SPATS2: variants seen among roughly 807,000 people sequenced by gnomAD.
SPATS2 encodes the protein spermatogenesis-associated serine-rich protein 2.
SPATS2 carries 38 observed loss-of-function variants against 63.7 expected under a neutral mutation model. That is an observed-to-expected ratio of 0.60 (90% CI 0.46 to 0.78). SPATS2 has a LOEUF of 0.78. Ranked by LOEUF, SPATS2 falls within the 30% of genes least tolerant of loss-of-function variation. The pLI is 0.00. For missense variants in SPATS2, 588 were observed against 666.2 expected, an observed-to-expected ratio of 0.88 and a Z score of 1.29; for synonymous variants, 207 against 232.9, an observed-to-expected ratio of 0.89 and a Z score of 1.01.
chr12:49,486,812 C>T (rs1385086097), intron 4 of SPATS2, among the ~76,000 whole-genome samples: 3 of 151,254 alleles, frequency 2.0e-5, no homozygotes, highest in Admixed American at 1.3e-4. Context: ...GAGAGAGAAA[C>T]CAGTATCTAG....
chr12:49,495,904 T>C (rs1946456513), intron 7 of SPATS2, among the ~76,000 whole-genome samples: 1 of 152,220 alleles, frequency 6.6e-6, no homozygotes, highest in East Asian at 1.9e-4. Flanking sequence ...ACATTTGTTT[T>C]CTAGTGAAGA....
chr12:49,503,768 C>G (rs1946609556), intron 9 of SPATS2, among the ~76,000 whole-genome samples: 1 of 152,126 alleles, frequency 6.6e-6, no homozygotes, highest in African/African-American at 2.4e-5. Flanking sequence ...GGATCTGATT[C>G]CATTCGGAAC....
At chr12:49,488,869 T>G (rs921516601) in intron 4 of SPATS2, among the ~76,000 whole-genome samples, 2 of 152,152 alleles carry the variant, frequency 1.3e-5, no homozygotes, top group African/African-American at 4.8e-5. Context: ...AGGGTAGAAA[T>G]CTCTAGCGAG....
At chr12:49,381,331 C>G (rs941566142) in intron 2 of SPATS2, among the ~76,000 whole-genome samples, 1 of 152,072 alleles carries the variant, frequency 6.6e-6, no homozygotes. Flanking sequence ...TTAGCTAATA[C>G]TATAGTTGTA....
chr12:49,425,628 G>A (rs550860673), intron 2 of SPATS2, among the ~76,000 whole-genome samples: 1 of 148,904 alleles, frequency 6.7e-6, no homozygotes, highest in African/African-American at 2.5e-5. Context: ...CCATGTAAGT[G>A]TTAATATTTC....
At chr12:49,368,109 T>C (rs1943934635) in intron 1 of SPATS2, among the ~76,000 whole-genome samples, 1 of 152,052 alleles carries the variant, frequency 6.6e-6, no homozygotes, top group Non-Finnish European at 1.5e-5. Context: ...AGACATAAAA[T>C]AGATGTGGTT....
At chr12:49,463,175 G>T (rs1182926676) in intron 3 of SPATS2, 1 of 151,950 alleles carries the variant, frequency 6.6e-6, no homozygotes, top group Non-Finnish European at 1.5e-5. Context: ...GGAGGCCGAG[G>T]TGGGTGGGTC....
chr12:49,499,666 C>T (rs2087875922), intron 8 of SPATS2, among the ~76,000 whole-genome samples: 1 of 152,082 alleles, frequency 6.6e-6, no homozygotes, highest in Admixed American at 6.6e-5. Context: ...TTCAGGGGGT[C>T]CACCAGGCTG....
chr12:49,452,540 A>G (rs1945642107), intron 2 of SPATS2, among the ~76,000 whole-genome samples: 1 of 152,110 alleles, frequency 6.6e-6, no homozygotes, highest in Non-Finnish European at 1.5e-5. Context: ...GGCCTCCCAA[A>G]ATGCTGGAGT....
At chr12:49,487,114 T>C (rs1946308064) in intron 4 of SPATS2, among the ~76,000 whole-genome samples, 1 of 152,200 alleles carries the variant, frequency 6.6e-6, no homozygotes, top group African/African-American at 2.4e-5. Context: ...ATAAAACCAT[T>C]GAATAAAATT....
chr12:49,413,883 A>C (rs991363531), intron 2 of SPATS2, among the ~76,000 whole-genome samples: 43 of 152,300 alleles, frequency 2.8e-4, no homozygotes, highest in African/African-American at 7.9e-4. Flanking sequence ...AAATACAGAA[A>C]AATGGGAGGA....
chr12:49,432,710 T>A (rs1446925050), intron 2 of SPATS2, among the ~76,000 whole-genome samples: 2 of 152,226 alleles, frequency 1.3e-5, no homozygotes, highest in Non-Finnish European at 1.5e-5. Flanking sequence ...TTTCAATTAG[T>A]GCATTGTCCT....
At chr12:49,431,371 C>T (rs1321390794) in intron 2 of SPATS2, among the ~76,000 whole-genome samples, 1 of 152,146 alleles carries the variant, frequency 6.6e-6, no homozygotes, top group Non-Finnish European at 1.5e-5. Context: ...GCCCTGGCCT[C>T]CTGAGTAGCT....
chr12:49,456,354 C>A (rs930777746), intron 2 of SPATS2, among the ~76,000 whole-genome samples: 1 of 152,144 alleles, frequency 6.6e-6, no homozygotes, highest in Non-Finnish European at 1.5e-5. Flanking sequence ...GCAGAGGGAA[C>A]ACCTTCAGAG....
At chr12:49,480,109 T>G (rs1946181154) in intron 3 of SPATS2, among the ~76,000 whole-genome samples, 3 of 152,214 alleles carry the variant, frequency 2.0e-5, no homozygotes, top group Admixed American at 2.0e-4. Context: ...ACTGTTAAGT[T>G]TTTGGTTGTT....
At chr12:49,432,612 A>AC (rs1945205051) in intron 2 of SPATS2, among the ~76,000 whole-genome samples, 1 of 152,188 alleles carries the variant, frequency 6.6e-6, no homozygotes, top group Non-Finnish European at 1.5e-5. Flanking sequence ...CCCCTGGCCC[A>AC]CCATTCTACT....
chr12:49,448,123 A>T lies in SPATS2; in HGVS notation c.-243-12647A>T, dbSNP rs377527691. 2.1e-3 allele frequency among the ~76,000 whole-genome samples: 305 copies of T among 148,386 alleles called. 8 individuals carry two copies. In the South Asian group the frequency reaches 0.061, roughly 30 times the overall value. On this transcript the variant is annotated intron_variant, in intron 2 of 13. Transcript: ENST00000552918. The stretch of plus-strand genomic sequence containing the variant: ...TATACCCCATAAATTTTGATGTGTT[A>T]TATTTTTATTTTCTTTCTTTTTTTT...
chr12:49,475,679 C>T lies in SPATS2; in HGVS notation c.26-8911C>T, dbSNP rs569215322. Among the ~76,000 whole-genome samples the T allele has an allele frequency of 2.7e-4, 41 of 152,296 alleles. No individual in the cohort carries two copies. The South Asian group carries it at 8.1e-3, about 30-fold the overall frequency. On this transcript the variant is annotated intron_variant, in intron 3 of 13. Transcript: ENST00000552918. ...CTAGTCTCTAACTCCTGAACTCAGGCAATCCACCCGCCTTGGCCTCCCAAA... is the reference window on the plus strand; with the variant it reads ...CTAGTCTCTAACTCCTGAACTCAGGTAATCCACCCGCCTTGGCCTCCCAAA...
chr12:49,372,960 G>GTA (rs1371574308), intron 2 of SPATS2, among the ~76,000 whole-genome samples: 2 of 123,950 alleles, frequency 1.6e-5, no homozygotes, highest in Non-Finnish European at 3.5e-5. Context: ...GTGTGTGTGT[G>GTA]TGTGTGTGTG....
Sources: gnomAD v4.1 joint callset for allele counts (sites outside exome capture counted in the v4.1 genomes callset) on GRCh38, gnomAD v4.1.1 for gene constraint, MANE v1.5 for transcripts, NCBI Gene and HGNC (gene_info 2026-07-23, HGNC 2026-07-21) for gene names.